The following SLC24A2 variants were observed in gnomAD, a reference collection of about 807,000 sequenced individuals.
The protein encoded by SLC24A2 is solute carrier family 24 member 2, also known as sodium/potassium/calcium exchanger 2.
SLC24A2 carries 36 observed loss-of-function variants against 62.0 expected under a neutral mutation model. That is an observed-to-expected ratio of 0.58 (90% CI 0.44 to 0.77). The LOEUF (loss-of-function observed/expected upper bound fraction) is 0.77, where lower values mean the gene tolerates loss of function less well. Ranked by LOEUF, SLC24A2 falls within the 30% of genes least tolerant of loss-of-function variation. The pLI is 0.00. For synonymous variants in SLC24A2, 358 were observed against 294.0 expected (o/e 1.22, Z -2.23); for missense variants, 846 against 817.9 (o/e 1.03, Z -0.42).
intron 10 of SLC24A2, among the ~76,000 whole-genome samples, chr9:19,519,725 C>G (rs943168442): frequency 6.6e-6 from 1 of 152,148 alleles, no homozygotes; most frequent in Non-Finnish European, 1.5e-5. Flanking sequence ...GGGGCAAGAG[C>G]CTCCAAGTCA....
intron 2 of SLC24A2, among the ~76,000 whole-genome samples, chr9:19,659,116 C>T (rs1461591624): frequency 6.6e-6 from 1 of 152,164 alleles, no homozygotes; most frequent in Non-Finnish European, 1.5e-5. Flanking sequence ...GGTCCTAGTC[C>T]AATATGAGTC....
the SLC24A2 span, among the ~76,000 whole-genome samples, chr9:19,899,018 C>G: frequency 6.6e-6 from 1 of 152,170 alleles, no homozygotes; most frequent in East Asian, 1.9e-4. Context: ...GACACCACAA[C>G]AGGCACCGCT....
chr9:19,904,359 T>A, the SLC24A2 span, among the ~76,000 whole-genome samples: 1 of 152,180 alleles, frequency 6.6e-6, no homozygotes, highest in Non-Finnish European at 1.5e-5. Flanking sequence ...TCTGTAGCCA[T>A]GTGCTCTCTT....
intron 7 of SLC24A2, among the ~76,000 whole-genome samples, chr9:19,565,541 C>G (rs1259235106): frequency 6.6e-6 from 1 of 151,362 alleles, no homozygotes; most frequent in African/African-American, 2.4e-5. Context: ...CCACACTGCC[C>G]AAGGTAATTT....
intron 2 of SLC24A2, among the ~76,000 whole-genome samples, chr9:19,679,927 G>T (rs1364269002): frequency 6.6e-6 from 1 of 150,894 alleles, no homozygotes; most frequent in Non-Finnish European, 1.5e-5. Context: ...TGTTTCTCTG[G>T]AGAACCCTAA....
chr9:19,737,789 A>C (rs909068690), intron 2 of SLC24A2, among the ~76,000 whole-genome samples: 1 of 152,074 alleles, frequency 6.6e-6, no homozygotes, highest in African/African-American at 2.4e-5. Flanking sequence ...ATGACATTTA[A>C]AATTTGGTTT....
chr9:19,775,177 A>G (rs1050498853), intron 2 of SLC24A2, among the ~76,000 whole-genome samples: 5 of 152,200 alleles, frequency 3.3e-5, no homozygotes, highest in Non-Finnish European at 7.4e-5. Flanking sequence ...ACCAGTTTTT[A>G]CCCATACAAG....
At chr9:19,644,814 TTTG>T (rs1818596997) in intron 2 of SLC24A2, among the ~76,000 whole-genome samples, 1 of 152,146 alleles carries the variant, frequency 6.6e-6, no homozygotes, top group South Asian at 2.1e-4. Context: ...ATATAAAATA[TTTG>T]TTATTATTAA....
chr9:20,019,217 A>C, the SLC24A2 span, among the ~76,000 whole-genome samples: 2 of 131,886 alleles, frequency 1.5e-5, no homozygotes, highest in African/African-American at 5.2e-5. Context: ...GAAAGAAAGA[A>C]AGACAGAAAG....
the SLC24A2 span, among the ~76,000 whole-genome samples, chr9:20,073,357 A>T: frequency 6.6e-6 from 1 of 152,220 alleles, no homozygotes; most frequent in East Asian, 1.9e-4. Flanking sequence ...AGACCCACTC[A>T]GAATAATGTC....
rs143936868 is a variant in SLC24A2, at chr9:19,566,706, A to G, written c.1347+6645T>C. 8.8e-3 allele frequency among the ~76,000 whole-genome samples: 1,335 copies of G among 152,338 alleles called. 19 individuals carry two copies. The highest frequency in any genetic ancestry group is 0.03 in the African/African-American group (1,238 of 41,560). On this transcript the variant is annotated intron_variant, in intron 7 of 10. Transcript: ENST00000341998. Reference sequence around the variant, plus strand: ...TTCACAATAGCAAAGACTTGAAACCAACCCAAATGTCCACCAACAATAGAC... The same window carrying G: ...TTCACAATAGCAAAGACTTGAAACCGACCCAAATGTCCACCAACAATAGAC...
chr9:19,592,131 A>C (rs1563986267), intron 5 of SLC24A2, among the ~76,000 whole-genome samples: 1 of 152,226 alleles, frequency 6.6e-6, no homozygotes, highest in East Asian at 1.9e-4. Flanking sequence ...TTTCTTTGAA[A>C]TAATGGGGGT....
chr9:19,523,950 GGAA>G (rs1274789232), intron 9 of SLC24A2, among the ~76,000 whole-genome samples: 2 of 151,972 alleles, frequency 1.3e-5, no homozygotes, highest in South Asian at 4.2e-4. Flanking sequence ...AGCCTTTTGT[GGAA>G]GAAGAACTAG....
intron 2 of SLC24A2, among the ~76,000 whole-genome samples, chr9:19,774,193 G>T (rs1822774270): frequency 6.6e-6 from 1 of 152,150 alleles, no homozygotes. Context: ...ATCTTTGGTG[G>T]GTTGGGGAGG....
the SLC24A2 span, among the ~76,000 whole-genome samples, chr9:20,305,765 C>A: frequency 6.6e-6 from 1 of 152,154 alleles, no homozygotes; most frequent in Non-Finnish European, 1.5e-5. Flanking sequence ...CAATGGCAAG[C>A]GGCTGAATTG....
intron 2 of SLC24A2, among the ~76,000 whole-genome samples, chr9:19,631,500 C>T (rs936989922): frequency 6.6e-6 from 1 of 152,138 alleles, no homozygotes; most frequent in African/African-American, 2.4e-5. Flanking sequence ...TGCCATTTTG[C>T]CTGCTTTGTT....
intron 7 of SLC24A2, among the ~76,000 whole-genome samples, chr9:19,554,600 C>T (rs906277519): frequency 2.6e-5 from 4 of 152,194 alleles, no homozygotes; most frequent in African/African-American, 9.6e-5. Flanking sequence ...TTTCAGCCTT[C>T]TCGGCAAGGT....
chr9:19,782,331 G>C (rs976643921), intron 2 of SLC24A2, among the ~76,000 whole-genome samples: 2 of 152,126 alleles, frequency 1.3e-5, no homozygotes, highest in Non-Finnish European at 2.9e-5. Flanking sequence ...TAAGAAGAGA[G>C]CCCCAAACAT....
At chr9:19,551,955 G>T (rs1834867018) in intron 7 of SLC24A2, among the ~76,000 whole-genome samples, 1 of 152,072 alleles carries the variant, frequency 6.6e-6, no homozygotes, top group African/African-American at 2.4e-5. Flanking sequence ...TTCTGCTTTG[G>T]GTATATGTCC....
Sources: allele counts gnomAD v4.1 joint callset (sites outside exome capture counted in the v4.1 genomes callset), GRCh38; gene constraint gnomAD v4.1.1; transcripts MANE v1.5; gene names NCBI Gene and HGNC (gene_info 2026-07-23, HGNC 2026-07-21).